REEP3: variants seen among roughly 807,000 people sequenced by gnomAD.
REEP3 encodes the protein receptor expression-enhancing protein 3.
Under a neutral mutation model 41.3 loss-of-function variants are expected in REEP3, and 20 were observed. The ratio of observed to expected loss-of-function variants is 0.48; its 90% CI spans 0.34 to 0.70. The LOEUF (loss-of-function observed/expected upper bound fraction) is 0.70, where lower values mean the gene tolerates loss of function less well. Among genes scored for constraint, REEP3 ranks in the 30% least tolerant of loss-of-function variants. REEP3 has a pLI of 0.01. For synonymous variants in REEP3, 104 were observed against 101.8 expected, an observed-to-expected ratio of 1.02 and a Z score of -0.13; for missense variants, 271 against 308.8, an observed-to-expected ratio of 0.88 and a Z score of 0.92.
intron 1 of REEP3, among the ~76,000 whole-genome samples, chr10:63,528,190 T>C (rs1955384761): frequency 6.6e-6 from 1 of 152,140 alleles, no homozygotes; most frequent in Non-Finnish European, 1.5e-5. Context: ...CGTTCTTTGC[T>C]CCACGTGGAA....
chr10:63,533,368 C>G (rs1489805493), intron 1 of REEP3, among the ~76,000 whole-genome samples: 1 of 152,220 alleles, frequency 6.6e-6, no homozygotes, highest in African/African-American at 2.4e-5. Flanking sequence ...TAATGGATAC[C>G]GTTATTGTCA....
At chr10:63,552,877 CAT>C (rs1303796161) in intron 1 of REEP3, among the ~76,000 whole-genome samples, 38 of 152,142 alleles carry the variant, frequency 2.5e-4, no homozygotes, top group Admixed American at 2.4e-3. Context: ...TCTTGTGGCA[CAT>C]GTTTGTTTCT....
At chr10:63,581,939 AG>A (rs1955958147) in intron 2 of REEP3, among the ~76,000 whole-genome samples, 1 of 151,746 alleles carries the variant, frequency 6.6e-6, no homozygotes, top group Non-Finnish European at 1.5e-5. Flanking sequence ...TATGAAACTA[AG>A]GGTACATTTT....
chr10:63,542,307 C>G (rs1955536243), intron 1 of REEP3, among the ~76,000 whole-genome samples: 1 of 152,058 alleles, frequency 6.6e-6, no homozygotes, highest in Non-Finnish European at 1.5e-5. Context: ...AACTCCTGAC[C>G]TCAGGTGATC....
intron 1 of REEP3, among the ~76,000 whole-genome samples, chr10:63,556,629 G>GTTTTTT (rs1564477633): frequency 7.5e-5 from 1 of 13,398 alleles, no homozygotes. Context: ...TTTTTTTGTT[G>GTTTTTT]TTTTGTTTTT....
rs184288762 is a variant in REEP3, at chr10:63,597,696, G to T, written c.183-328G>T. Among the ~76,000 whole-genome samples, 164 of 152,294 alleles carry T rather than the reference G, an allele frequency of 1.1e-3. 1 individual carries two copies. The highest frequency in any genetic ancestry group is 5.9e-4 in the Non-Finnish European group (40 of 68,020). ...GGAGGCCGAGGTGGGCGGATCACAT[G>T]AGGTCAGGAGTTCAAGACCAGGCCT... On this transcript the variant is annotated intron_variant, in intron 3 of 7. Coordinates refer to ENST00000373758, the MANE Select transcript of REEP3 (RefSeq NM_001001330.3).
intron 2 of REEP3, among the ~76,000 whole-genome samples, chr10:63,578,514 A>G (rs114732323): frequency 0.015 from 2,311 of 152,224 alleles, 67 homozygotes; most frequent in African/African-American, 0.053. Context: ...GCTCACACCT[A>G]TATCTCAGCA....
intron 5 of REEP3, among the ~76,000 whole-genome samples, chr10:63,604,192 A>G (rs1956202228): frequency 6.6e-6 from 1 of 152,164 alleles, no homozygotes; most frequent in Non-Finnish European, 1.5e-5. Context: ...CCGTAAAGCA[A>G]TTTTCTGAAA....
In REEP3 at chr10:63,587,578, A is replaced by AAGTCC. The variant is rs559688778; in HGVS notation, c.106-7199_106-7195dup. On this transcript the variant is annotated intron_variant, in intron 2 of 7. Transcript: ENST00000373758. ...AGAAATCTATTTCTTTTTCACATAA[A>AAGTCC]AGTCCTGGTTAGGTGCTCATTTCAT... Among the ~76,000 whole-genome samples, 48 of 152,296 alleles carry AAGTCC rather than the reference A, an allele frequency of 3.2e-4. 1 individual carries two copies. In the South Asian group the frequency reaches 9.9e-3, roughly 32 times the overall value.
intron 2 of REEP3, among the ~76,000 whole-genome samples, chr10:63,568,650 A>ATTT (rs10622553): frequency 0.1 from 11,317 of 108,964 alleles, 1,027 homozygotes; most frequent in Non-Finnish European, 0.16. Context: ...ACAACCCAGA[A>ATTT]TTTTTTTTTT....
chr10:63,523,160 G>T (rs1955309441), intron 1 of REEP3, among the ~76,000 whole-genome samples: 1 of 152,126 alleles, frequency 6.6e-6, no homozygotes, highest in Non-Finnish European at 1.5e-5. Flanking sequence ...ATAACACAAA[G>T]GTCAGTAACA....
intron 2 of REEP3, among the ~76,000 whole-genome samples, chr10:63,581,682 G>T (rs1450532408): frequency 6.6e-6 from 1 of 151,862 alleles, no homozygotes; most frequent in Admixed American, 6.6e-5. Context: ...GTTCCATGCT[G>T]CAGTGAGCTA....
chr10:63,540,721 T>C (rs1248793223), intron 1 of REEP3, among the ~76,000 whole-genome samples: 1 of 152,196 alleles, frequency 6.6e-6, no homozygotes, highest in East Asian at 1.9e-4. Context: ...CTGTTAAATT[T>C]AAGCAAAATG....
In REEP3 at chr10:63,622,216, G is replaced by A. The variant is rs926210741; in HGVS notation, c.*1347G>A. ...AAAGATAAAATGATGAGAGAGATTC[G>A]AGAGGTCTTTGATCTGTCTCCCTTT... On this transcript the variant is annotated 3_prime_UTR_variant, in exon 8 of 8. Coordinates refer to ENST00000373758, the MANE Select transcript of REEP3 (RefSeq NM_001001330.3). The A allele has an allele frequency of 3.3e-5, 5 of 152,106 alleles. No homozygotes were observed. Among genetic ancestry groups the A allele is most frequent in the African/African-American group, 7.2e-5 (3 of 41,418 alleles). 9.4% of individuals were successfully genotyped at this position (152,106 alleles called of 1,614,324 possible). A position where few individuals can be genotyped will look rare whatever the true frequency, so the allele number is the denominator to read the frequency against.
chr10:63,570,292 A>C lies in REEP3; in HGVS notation c.105+3882A>C, dbSNP rs1042682556. Among the ~76,000 whole-genome samples the C allele has an allele frequency of 2.0e-5, 3 of 152,324 alleles. No individual in the cohort carries two copies. In the South Asian group the frequency reaches 6.2e-4, roughly 32 times the overall value. On this transcript the variant is annotated intron_variant, in intron 2 of 7. Transcript: ENST00000373758. ...TCAAACTGATGAGAAAACTATAAAC[A>C]TGATATGTATTGAGATATATGTATA...
rs776778253 is a variant in REEP3, at chr10:63,619,649, G to A, written c.566-6G>A. 3 of 1,595,230 alleles carry A rather than the reference G, an allele frequency of 1.9e-6. No homozygotes were observed. Among genetic ancestry groups the A allele is most frequent in the South Asian group, 2.3e-5 (2 of 88,016 alleles). ...CAAAACATGCTGTTTTTGACAACTT[G>A]TTTAGGTTATGGAATTCCACTGAAA... On this transcript the variant is annotated splice_region_variant and splice_polypyrimidine_tract_variant and intron_variant, in intron 6 of 7. Coordinates refer to ENST00000373758, the MANE Select transcript of REEP3 (RefSeq NM_001001330.3).
chr10:63,553,494 A>C (rs1955648954), intron 1 of REEP3, among the ~76,000 whole-genome samples: 1 of 152,196 alleles, frequency 6.6e-6, no homozygotes, highest in South Asian at 2.1e-4. Flanking sequence ...ATATTAAATT[A>C]ACCTGGTGAA....
At chr10:63,524,482 C>T (rs1314527560) in intron 1 of REEP3, among the ~76,000 whole-genome samples, 2 of 151,854 alleles carry the variant, frequency 1.3e-5, no homozygotes, top group Admixed American at 6.6e-5. Context: ...CTGTCGCCCA[C>T]GCTGGAGTGC....
intron 2 of REEP3, among the ~76,000 whole-genome samples, chr10:63,588,168 C>T (rs1184583292): frequency 1.3e-5 from 2 of 152,196 alleles, no homozygotes; most frequent in Admixed American, 1.3e-4. Flanking sequence ...GAGGGCCTAA[C>T]CCATGAACCC....
Sources: gnomAD v4.1 joint callset for allele counts (sites outside exome capture counted in the v4.1 genomes callset) on GRCh38, gnomAD v4.1.1 for gene constraint, MANE v1.5 for transcripts, NCBI Gene and HGNC (gene_info 2026-07-23, HGNC 2026-07-21) for gene names.